Variants in CCDC178 observed in about 807,000 individuals in gnomAD.
CCDC178 encodes the protein coiled-coil domain-containing protein 178.
In CCDC178, 126 loss-of-function variants were observed where a neutral mutation model predicts 117.4. The observed-to-expected ratio is 1.07, with a 90% CI of 0.93 to 1.24. The LOEUF (loss-of-function observed/expected upper bound fraction) is 1.24, where lower values mean the gene tolerates loss of function less well. CCDC178 is among the 50% of genes most tolerant of loss of function. CCDC178 has a pLI of 0.00. For synonymous variants in CCDC178, 283 were observed against 313.4 expected (o/e 0.90, Z 1.02); for missense variants, 1,030 against 986.9 (o/e 1.04, Z -0.59).
intron 7 of CCDC178, among the ~76,000 whole-genome samples, chr18:33,350,280 T>C (rs1454066011): frequency 1.3e-5 from 2 of 152,080 alleles, no homozygotes; most frequent in Non-Finnish European, 2.9e-5. Flanking sequence ...TTCTATTTTT[T>C]TAATTGAGCC....
intron 21 of CCDC178, among the ~76,000 whole-genome samples, chr18:33,013,794 G>T (rs374535441): frequency 3.4e-4 from 52 of 152,282 alleles, no homozygotes; most frequent in African/African-American, 1.2e-3. Context: ...TGCATACAAA[G>T]ATCTTGCCAA....
chr18:32,973,832 G>GT (rs1310314830), intron 22 of CCDC178, among the ~76,000 whole-genome samples: 47 of 152,150 alleles, frequency 3.1e-4, no homozygotes, highest in African/African-American at 1.1e-3. Context: ...TTACTTAATA[G>GT]AACAAGGTAG....
intron 17 of CCDC178, 44 bp from the exon 18 acceptor site, chr18:33,223,263 A>G: frequency 6.5e-7 from 1 of 1,530,462 alleles, no homozygotes; most frequent in Non-Finnish European, 8.8e-7. Flanking sequence ...TTTGCAACCC[A>G]GTTATCCTCA....
chr18:33,232,445 G>A (rs2059378585), intron 15 of CCDC178, among the ~76,000 whole-genome samples: 1 of 152,140 alleles, frequency 6.6e-6, no homozygotes, highest in South Asian at 2.1e-4. Flanking sequence ...GTTATGTAAG[G>A]TTTGAGATCA....
intron 21 of CCDC178, among the ~76,000 whole-genome samples, chr18:33,048,034 A>G (rs1454728834): frequency 6.6e-6 from 1 of 152,160 alleles, no homozygotes; most frequent in Admixed American, 6.6e-5. Context: ...TAGTTTAAAG[A>G]TGGGTTCTTT....
At chr18:33,112,513 T>C (rs1307391555) in intron 20 of CCDC178, among the ~76,000 whole-genome samples, 1 of 151,892 alleles carries the variant, frequency 6.6e-6, no homozygotes, top group Non-Finnish European at 1.5e-5. Context: ...TTCTCCTTTT[T>C]CTAGCTTTAT....
intron 21 of CCDC178, among the ~76,000 whole-genome samples, chr18:33,043,070 T>C (rs1452525546): frequency 6.6e-6 from 1 of 151,998 alleles, no homozygotes; most frequent in African/African-American, 2.4e-5. Context: ...AACATAAAAA[T>C]TCATTTGAAG....
chr18:33,025,264 T>C lies in CCDC178; in HGVS notation c.2389-50583A>G, dbSNP rs114720643. ...AAAAATTATTCGACAAAACTTAAAA[T>C]GGATCACTTATTAAAATGTAACAAA... On this transcript the variant is annotated intron_variant, in intron 21 of 22. Coordinates refer to ENST00000383096, the MANE Select transcript of CCDC178 (RefSeq NM_001105528.4). 8.9e-3 allele frequency among the ~76,000 whole-genome samples: 1,351 copies of C among 152,236 alleles called. 20 individuals carry two copies. The highest frequency in any genetic ancestry group is 0.031 in the African/African-American group (1,296 of 41,552).
chr18:33,416,669 C>T (rs937171076), intron 2 of CCDC178, among the ~76,000 whole-genome samples: 1 of 152,128 alleles, frequency 6.6e-6, no homozygotes, highest in Non-Finnish European at 1.5e-5. Context: ...GCCTGGACTT[C>T]CACCCACTCC....
At chr18:32,995,375 TA>T (rs2055481141) in intron 21 of CCDC178, among the ~76,000 whole-genome samples, 1 of 152,184 alleles carries the variant, frequency 6.6e-6, no homozygotes, top group Non-Finnish European at 1.5e-5. Context: ...AATTTTTTAT[TA>T]AATCAATATA....
chr18:33,429,515 C>T (rs2064175712), intron 2 of CCDC178, among the ~76,000 whole-genome samples: 1 of 152,096 alleles, frequency 6.6e-6, no homozygotes, highest in Non-Finnish European at 1.5e-5. Flanking sequence ...GACATGCAAA[C>T]TGCAAAAGAA....
intron 22 of CCDC178, among the ~76,000 whole-genome samples, chr18:32,945,924 T>G (rs564647983): frequency 6.6e-6 from 1 of 152,216 alleles, no homozygotes; most frequent in African/African-American, 2.4e-5. Context: ...TGCTTTAATT[T>G]TTTTTTAACT....
At chr18:33,225,199 G>A (rs1422502916) in intron 16 of CCDC178, among the ~76,000 whole-genome samples, 1 of 151,492 alleles carries the variant, frequency 6.6e-6, no homozygotes, top group Non-Finnish European at 1.5e-5. Flanking sequence ...GTCTTGCTCT[G>A]TCACCCAGCC....
At chr18:33,066,865 T>C (rs1354186547) in intron 21 of CCDC178, among the ~76,000 whole-genome samples, 3 of 152,162 alleles carry the variant, frequency 2.0e-5, no homozygotes, top group Non-Finnish European at 4.4e-5. Context: ...CAAATATTAC[T>C]AGATCTTAAG....
chr18:32,995,551 T>TA (rs1270632030), intron 21 of CCDC178, among the ~76,000 whole-genome samples: 2 of 152,138 alleles, frequency 1.3e-5, no homozygotes, highest in African/African-American at 4.8e-5. Flanking sequence ...TGTATTGTGG[T>TA]ACCCTATAAA....
At chr18:33,003,020 T>A (rs547290857) in intron 21 of CCDC178, among the ~76,000 whole-genome samples, 1 of 152,176 alleles carries the variant, frequency 6.6e-6, no homozygotes, top group South Asian at 2.1e-4. Flanking sequence ...AATAGTGAGA[T>A]TGAAGCCATA....
At chr18:33,362,110 T>C (rs2063137350) in intron 6 of CCDC178, among the ~76,000 whole-genome samples, 1 of 151,588 alleles carries the variant, frequency 6.6e-6, no homozygotes, top group Admixed American at 6.6e-5. Flanking sequence ...TGTGTCTCTG[T>C]GTATGTACAC....
chr18:33,429,770 T>A (rs2064180977), intron 2 of CCDC178, among the ~76,000 whole-genome samples: 2 of 152,160 alleles, frequency 1.3e-5, no homozygotes, highest in South Asian at 4.1e-4. Flanking sequence ...TCTTCAATGG[T>A]CATTACAGCT....
At chr18:33,129,068 C>T (rs1369452483) in intron 20 of CCDC178, among the ~76,000 whole-genome samples, 1 of 152,016 alleles carries the variant, frequency 6.6e-6, no homozygotes, top group Non-Finnish European at 1.5e-5. Flanking sequence ...TAATACTTTC[C>T]CCCATAACCA....
Sources: gnomAD v4.1 joint callset for allele counts (sites outside exome capture counted in the v4.1 genomes callset) on GRCh38, gnomAD v4.1.1 for gene constraint, MANE v1.5 for transcripts, NCBI Gene and HGNC (gene_info 2026-07-23, HGNC 2026-07-21) for gene names.